Variants in HFM1 observed in about 807,000 individuals in gnomAD.
The protein encoded by HFM1 is helicase for meiosis 1, also known as probable ATP-dependent DNA helicase HFM1.
A neutral mutation model predicts 192.1 loss-of-function variants in HFM1; 169 were observed. The ratio of observed to expected loss-of-function variants is 0.88; its 90% CI spans 0.78 to 1.00. The LOEUF is 1.00. Ranked by LOEUF, HFM1 falls within the 50% of genes least tolerant of loss-of-function variation. HFM1 has a pLI of 0.00. For synonymous variants in HFM1, 525 were observed against 537.8 expected (o/e 0.98, Z 0.33); for missense variants, 1,661 against 1,668.0 (o/e 1.00, Z 0.07).
chr1:91,391,354 C>T (rs1662964179), intron 4 of HFM1, among the ~76,000 whole-genome samples: 1 of 152,232 alleles, frequency 6.6e-6, no homozygotes. Context: ...TCAAACTATA[C>T]TACAAGGCTA....
intron 8 of HFM1, 24 bp from the exon 9 acceptor site, chr1:91,379,238 T>C: frequency 4.5e-6 from 7 of 1,569,178 alleles, no homozygotes; most frequent in Non-Finnish European, 6.0e-6. Context: ...AAATATTTAC[T>C]TTGAACATCA....
At chr1:91,345,553 T>A (rs1302835664) in intron 19 of HFM1, among the ~76,000 whole-genome samples, 1 of 152,154 alleles carries the variant, frequency 6.6e-6, no homozygotes, top group Non-Finnish European at 1.5e-5. Context: ...ATGCTAAGGA[T>A]CCTTCCTGAC....
At chr1:91,325,519 TC>T (rs1404917755) in intron 20 of HFM1, among the ~76,000 whole-genome samples, 4 of 152,300 alleles carry the variant, frequency 2.6e-5, no homozygotes, top group African/African-American at 9.6e-5. Flanking sequence ...TGCCTGATAG[TC>T]CAGAGAATTC....
At position 91,378,346 on chromosome 1, in the gene HFM1, C is replaced by T; in HGVS notation, c.1236+57G>A. On this transcript the variant is annotated intron_variant, in intron 10 of 38. Coordinates refer to ENST00000370425, the MANE Select transcript of HFM1 (RefSeq NM_001017975.6). Reference sequence around the variant, plus strand: ...TTTGGTTGCAATGTCTTTTTTCTTTCTGTCTTATTCTAATTATCCTTTTAT... The same window carrying T: ...TTTGGTTGCAATGTCTTTTTTCTTTTTGTCTTATTCTAATTATCCTTTTAT... The T allele has an allele frequency of 5.0e-6, 7 of 1,392,790 alleles. No individual in the cohort carries two copies. The Admixed American group carries it at 7.6e-5, about 15-fold the overall frequency. The allele number at this position is 1,392,790 out of a possible 1,614,324, so 86.3% of individuals were successfully genotyped here. A position where few individuals can be genotyped will look rare whatever the true frequency, so the allele number is the denominator to read the frequency against.
At chr1:91,390,578 T>C (rs1662841556) in intron 4 of HFM1, among the ~76,000 whole-genome samples, 1 of 152,146 alleles carries the variant, frequency 6.6e-6, no homozygotes, top group Non-Finnish European at 1.5e-5. Flanking sequence ...AAACTCTCAA[T>C]AAACTAGGAA....
In HFM1 at chr1:91,262,496, G is replaced by A. The variant is rs585898; in HGVS notation, c.4071C>T (p.Ala1357=). The A allele has an allele frequency of 1, 1,600,360 of 1,600,692 alleles. 800,014 individuals are homozygous for A. Among genetic ancestry groups the A allele is most frequent in the East Asian group, 1 (44,686 of 44,686 alleles). Residue 1357 remains alanine, a synonymous_variant, in exon 37 of 39, where the codon GCC becomes GCT. Coordinates refer to ENST00000370425, the MANE Select transcript of HFM1 (RefSeq NM_001017975.6). ...ASSMTKLPQQ[A]GNAVIVHFQE... ...TTCTTCTTACAATAACTGCATTTCC[G>A]GCTTGTTGAGGTAATTTTGTCATGG...
At chr1:91,287,443 T>C (rs1234656029) in intron 30 of HFM1, among the ~76,000 whole-genome samples, 4 of 152,194 alleles carry the variant, frequency 2.6e-5, no homozygotes, top group Admixed American at 6.5e-5. Flanking sequence ...GACCTGCAGC[T>C]GAGGGTCCTG....
At chr1:91,308,980 A>C (rs79792950) in intron 30 of HFM1, among the ~76,000 whole-genome samples, 2 of 152,114 alleles carry the variant, frequency 1.3e-5, no homozygotes, top group Non-Finnish European at 2.9e-5. Flanking sequence ...TAATTTTATA[A>C]GGTATGAAGG....
rs1209542913 is a variant in HFM1, at chr1:91,260,871, A to G, written c.*419T>C. On this transcript the variant is annotated 3_prime_UTR_variant, in exon 39 of 39. Coordinates refer to ENST00000370425, the MANE Select transcript of HFM1 (RefSeq NM_001017975.6). The stretch of plus-strand genomic sequence containing the variant: ...TAGTAAAACAAAATACATGGGAATA[A>G]TATTAGTGATTAATCCATACAATAA... The G allele has an allele frequency of 1.3e-5, 2 of 152,470 alleles. No homozygotes were observed. Among genetic ancestry groups the G allele is most frequent in the Non-Finnish European group, 2.9e-5 (2 of 68,204 alleles). The allele number at this position is 152,470 out of a possible 1,614,324, so 9.4% of individuals were successfully genotyped here. A position where few individuals can be genotyped will look rare whatever the true frequency, so the allele number is the denominator to read the frequency against.
intron 30 of HFM1, among the ~76,000 whole-genome samples, chr1:91,313,088 T>A (rs909105074): frequency 6.6e-6 from 1 of 152,182 alleles, no homozygotes; most frequent in Non-Finnish European, 1.5e-5. Context: ...GTCTCAGGTA[T>A]GTCTTTATCA....
chr1:91,346,419 C>CGTGAATACAGCAGCATT (rs574145789), intron 19 of HFM1, among the ~76,000 whole-genome samples: 9 of 152,252 alleles, frequency 5.9e-5, no homozygotes, highest in African/African-American at 2.2e-4. Context: ...TGTATTTCAA[C>CGTGAATACAGCAGCATT]GTGAATACAG....
At chr1:91,353,969 C>A (rs547196610) in intron 13 of HFM1, among the ~76,000 whole-genome samples, 1 of 142,518 alleles carries the variant, frequency 7.0e-6, no homozygotes, top group Non-Finnish European at 1.5e-5. Context: ...ACACCACCAA[C>A]AAAGGAACGC....
chr1:91,394,746 A>G (rs923765825), intron 3 of HFM1, among the ~76,000 whole-genome samples: 1 of 152,120 alleles, frequency 6.6e-6, no homozygotes, highest in Admixed American at 6.5e-5. Flanking sequence ...TATATAAATG[A>G]TTTACACACA....
chr1:91,366,964 T>G (rs1030792775), intron 13 of HFM1, among the ~76,000 whole-genome samples: 3 of 152,226 alleles, frequency 2.0e-5, no homozygotes, highest in Admixed American at 2.0e-4. Context: ...GATTATATCC[T>G]GCGCCTGGCT....
At position 91,316,474 on chromosome 1, in the gene HFM1, T is replaced by C. The variant is rs11584478; in HGVS notation, c.2815A>G (p.Ile939Val). ...HVSKQLEKIG[I>V]TLSNAIVNAG... ...TTTACGATTGCATTTGACAATGTTA[T>C]ACCTGTGGAAAATTAATCAAACAAC... Residue 939 changes from isoleucine (I) to valine (V), a missense_variant and splice_region_variant, in exon 26 of 39, where the codon ATA (isoleucine) becomes GTA (valine). Physicochemically the swap from Ile to Val is conservative, Grantham distance 29. Transcript: ENST00000370425. The C allele has an allele frequency of 0.24, 340,774 of 1,449,436 alleles. 42,742 individuals are homozygous for C. Among genetic ancestry groups the C allele is most frequent in the Non-Finnish European group, 0.26 (281,726 of 1,068,400 alleles). The allele number at this position is 1,449,436 out of a possible 1,614,324, so 89.8% of individuals were successfully genotyped here.
intron 2 of HFM1, among the ~76,000 whole-genome samples, 171 bp from the exon 3 acceptor site, chr1:91,396,576 A>G (rs549586106): frequency 6.6e-6 from 1 of 152,296 alleles, no homozygotes; most frequent in African/African-American, 2.4e-5. Context: ...TTACCCTTAT[A>G]TATCATAGGA....
At chr1:91,315,333 T>C (rs898195144) in intron 28 of HFM1, among the ~76,000 whole-genome samples, 1 of 152,200 alleles carries the variant, frequency 6.6e-6, no homozygotes, top group Non-Finnish European at 1.5e-5. Context: ...AAGTAAAAAT[T>C]ATAGAATGGC....
chr1:91,264,338 C>T (rs1394250854), intron 36 of HFM1, among the ~76,000 whole-genome samples: 1 of 134,778 alleles, frequency 7.4e-6, no homozygotes, highest in Non-Finnish European at 1.6e-5. Flanking sequence ...AGCAAAAATT[C>T]CAAGGGATAC....
At chr1:91,315,578 T>C (rs558620085) in intron 28 of HFM1, among the ~76,000 whole-genome samples, 1 of 152,298 alleles carries the variant, frequency 6.6e-6, no homozygotes, top group South Asian at 2.1e-4. Flanking sequence ...TTGTTTCAGA[T>C]CATGGTGATA....
Sources: allele counts gnomAD v4.1 joint callset (sites outside exome capture counted in the v4.1 genomes callset), GRCh38; gene constraint gnomAD v4.1.1; transcripts MANE v1.5; gene names NCBI Gene and HGNC (gene_info 2026-07-23, HGNC 2026-07-21).